Variants in ATP11A observed in about 807,000 individuals in gnomAD.
ATP11A encodes the protein phospholipid-transporting ATPase IH.
In ATP11A, 81 loss-of-function variants were observed where a neutral mutation model predicts 154.4. That is an observed-to-expected ratio of 0.52 (90% CI 0.44 to 0.63). The LOEUF is 0.63. Ranked by LOEUF, ATP11A falls within the 30% of genes least tolerant of loss-of-function variation. The pLI, the probability that ATP11A is intolerant of heterozygous loss-of-function variation, is 0.00. For synonymous variants in ATP11A, 623 were observed against 585.9 expected, an observed-to-expected ratio of 1.06 and a Z score of -0.91; for missense variants, 1,316 against 1,474.3, an observed-to-expected ratio of 0.89 and a Z score of 1.76.
intron 2 of ATP11A, among the ~76,000 whole-genome samples, chr13:112,788,006 C>T (rs9604446): frequency 0.011 from 603 of 52,662 alleles, no homozygotes; most frequent in African/African-American, 0.022. Flanking sequence ...ATGTGTAGAC[C>T]CCTGTGGAGA....
intron 28 of ATP11A, 175 bp downstream of exon 28, chr13:112,876,116 G>A (rs976521293): frequency 1.3e-4 from 71 of 561,616 alleles, no homozygotes; most frequent in Admixed American, 1.9e-4. Flanking sequence ...GTACATTTGC[G>A]ATGACCGATG....
chr13:112,852,937 A>G (rs1446252637), intron 18 of ATP11A, among the ~76,000 whole-genome samples: 1 of 152,084 alleles, frequency 6.6e-6, no homozygotes, highest in Non-Finnish European at 1.5e-5. Flanking sequence ...GCTTGTAAAC[A>G]GGGCCAGGCC....
chr13:112,815,540 T>C (rs2078623042), intron 5 of ATP11A, among the ~76,000 whole-genome samples: 1 of 152,238 alleles, frequency 6.6e-6, no homozygotes, highest in Admixed American at 6.5e-5. Context: ...CCTTCCTCAC[T>C]GATGAAATAA....
chr13:112,729,814 G>T (rs1026623725), intron 1 of ATP11A, among the ~76,000 whole-genome samples: 2 of 152,194 alleles, frequency 1.3e-5, no homozygotes, highest in African/African-American at 2.4e-5. Context: ...GGAACTCTTC[G>T]AGGAAAAAAA....
At chr13:112,748,421 A>C (rs1038367175) in intron 1 of ATP11A, among the ~76,000 whole-genome samples, 1 of 152,002 alleles carries the variant, frequency 6.6e-6, no homozygotes, top group Non-Finnish European at 1.5e-5. Context: ...GCTGGAGAGC[A>C]ATAGCATGAT....
In ATP11A at chr13:112,766,109, C is replaced by T. The variant is rs181097761; in HGVS notation, c.40-19026C>T. ...CTTGAGGAAGGAATAGTGGTGGAGACGGACTTCTTATTCTTCAGATGTGCC... is the reference window on the plus strand; with the variant it reads ...CTTGAGGAAGGAATAGTGGTGGAGATGGACTTCTTATTCTTCAGATGTGCC... On this transcript the variant is annotated intron_variant, in intron 1 of 29. Transcript: ENST00000375645. 8.9e-4 allele frequency among the ~76,000 whole-genome samples: 135 copies of T among 152,078 alleles called. 2 individuals carry two copies. The highest frequency in any genetic ancestry group is 1.7e-3 in the South Asian group (8 of 4,830).
At chr13:112,724,450 G>A (rs1029596244) in intron 1 of ATP11A, among the ~76,000 whole-genome samples, 1 of 151,848 alleles carries the variant, frequency 6.6e-6, no homozygotes, top group East Asian at 2.0e-4. Context: ...GCAATGTGAT[G>A]GGTCCACTGG....
chr13:112,874,183 T>C (rs150906560), intron 27 of ATP11A, among the ~76,000 whole-genome samples: 2,381 of 152,204 alleles, frequency 0.016, 65 homozygotes, highest in African/African-American at 0.054. Context: ...GCAGCCTGAC[T>C]CATCGGGGAG....
At position 112,718,671 on chromosome 13, in the gene ATP11A, C is replaced by CTTT. The variant is rs35646090; in HGVS notation, c.39+28230_39+28232dup. Among the ~76,000 whole-genome samples the CTTT allele has an allele frequency of 1.0e-4, 14 of 134,632 alleles. 1 individual carries two copies. Among genetic ancestry groups the CTTT allele is most frequent in the Admixed American group, 2.3e-4 (3 of 13,198 alleles). The allele number at this position is 134,632 out of a possible 152,430, so 88.3% of individuals were successfully genotyped here. On this transcript the variant is annotated intron_variant, in intron 1 of 29. Transcript: ENST00000375645. ...GACCAGGGTGGGCTTGCAGGCTGCA[C>CTTT]TTTTTTTTTTTTTTTTGAGACTGAG...
At position 112,882,776 on chromosome 13, in the gene ATP11A, TG is replaced by T. The variant is rs1202893861; in HGVS notation, c.*911del. On this transcript the variant is annotated 3_prime_UTR_variant, in exon 30 of 30. Coordinates refer to ENST00000375645, the MANE Select transcript of ATP11A (RefSeq NM_015205.3). This position sits in a 1 kb window ranked among gnomAD's most constrained non-coding sequence, Gnocchi z 5.1. ...CCGTCAGTCCACTGTTACGGGAGAATGTTGATTTCGCGGGTGCGAGGGCCGG... is the reference window on the plus strand; with the variant it reads ...CCGTCAGTCCACTGTTACGGGAGAATTTGATTTCGCGGGTGCGAGGGCCGG... 1 of 399,152 alleles carries T rather than the reference TG, an allele frequency of 2.5e-6. No homozygotes were observed. Among genetic ancestry groups the T allele is most frequent in the African/African-American group, 2.1e-5 (1 of 48,602 alleles). The allele number at this position is 399,152 out of a possible 1,614,324, so 24.7% of individuals were successfully genotyped here. A position where few individuals can be genotyped will look rare whatever the true frequency, so the allele number is the denominator to read the frequency against.
At chr13:112,728,113 T>C (rs746224858) in intron 1 of ATP11A, among the ~76,000 whole-genome samples, 40 of 152,222 alleles carry the variant, frequency 2.6e-4, no homozygotes, top group Non-Finnish European at 7.3e-5. Context: ...TCTGCCATTG[T>C]AGCAGGAAAA....
At chr13:112,881,725 G>T in intron 29 of ATP11A, 151 bp from the exon 30 acceptor site, 1 of 1,310,108 alleles carries the variant, frequency 7.6e-7, no homozygotes. Flanking sequence ...AGGAGGCGAT[G>T]GTAGTGAGTG....
At chr13:112,728,540 G>A (rs1407281727) in intron 1 of ATP11A, among the ~76,000 whole-genome samples, 1 of 138,826 alleles carries the variant, frequency 7.2e-6, no homozygotes. Context: ...CCGTGAGACT[G>A]TGTGGCCCGC....
chr13:112,742,484 C>T (rs1297620598), intron 1 of ATP11A, among the ~76,000 whole-genome samples: 1 of 152,126 alleles, frequency 6.6e-6, no homozygotes, highest in African/African-American at 2.4e-5. Context: ...TGTCTGATTT[C>T]GTAGTCTGGA....
At chr13:112,706,628 A>G (rs1220353807) in intron 1 of ATP11A, among the ~76,000 whole-genome samples, 2 of 152,240 alleles carry the variant, frequency 1.3e-5, no homozygotes, top group Non-Finnish European at 2.9e-5. Flanking sequence ...AATTACATTT[A>G]AGAGTATTTT....
chr13:112,788,274 G>A (rs759778783), intron 2 of ATP11A, among the ~76,000 whole-genome samples: 10 of 149,564 alleles, frequency 6.7e-5, no homozygotes, highest in African/African-American at 1.7e-4. Flanking sequence ...AATTCACACC[G>A]GGTATTCTGA....
At chr13:112,756,775 G>GC (rs903946920) in intron 1 of ATP11A, among the ~76,000 whole-genome samples, 2 of 152,218 alleles carry the variant, frequency 1.3e-5, no homozygotes, top group Admixed American at 6.5e-5. Context: ...TTCCACAGCA[G>GC]CCAGAGCAGC....
intron 1 of ATP11A, among the ~76,000 whole-genome samples, chr13:112,701,262 G>C (rs1886491485): frequency 6.6e-6 from 1 of 152,210 alleles, no homozygotes; most frequent in Non-Finnish European, 1.5e-5. Context: ...AGTGTGTTAA[G>C]TATTGTTGCT....
intron 1 of ATP11A, among the ~76,000 whole-genome samples, chr13:112,711,007 G>A (rs1887679914): frequency 6.9e-6 from 1 of 144,170 alleles, no homozygotes; most frequent in South Asian, 2.4e-4. Context: ...CAGGGACTCG[G>A]TTCTCAAAGT....
Sources: gnomAD v4.1 joint callset for allele counts (sites outside exome capture counted in the v4.1 genomes callset) on GRCh38, gnomAD v4.1.1 for gene constraint, Gnocchi (gnomAD v3.1) non-coding constraint, MANE v1.5 for transcripts, NCBI Gene and HGNC (gene_info 2026-07-23, HGNC 2026-07-21) for gene names.